MSRA: variants seen among roughly 807,000 people sequenced by gnomAD.
The protein encoded by MSRA is methionine sulfoxide reductase A, also known as mitochondrial peptide methionine sulfoxide reductase.
MSRA carries 54 observed loss-of-function variants against 31.3 expected under a neutral mutation model. That is an observed-to-expected ratio of 1.73 (90% CI 1.39 to 2.17). MSRA has a LOEUF of 2.17. Ranked by LOEUF, MSRA falls within the 30% of genes most tolerant of loss-of-function variation. MSRA has a pLI of 0.00. For synonymous variants in MSRA, 169 were observed against 116.5 expected, an observed-to-expected ratio of 1.45 and a Z score of -2.90; for missense variants, 507 against 300.9, an observed-to-expected ratio of 1.69 and a Z score of -5.07.
At chr8:10,319,110 C>T (rs1801894859) in intron 4 of MSRA, among the ~76,000 whole-genome samples, 1 of 152,146 alleles carries the variant, frequency 6.6e-6, no homozygotes, top group East Asian at 1.9e-4. Context: ...TTTCCCTTAA[C>T]ACCTCTAATT....
At chr8:10,069,524 T>C (rs1195975112) in intron 1 of MSRA, among the ~76,000 whole-genome samples, 1 of 152,252 alleles carries the variant, frequency 6.6e-6, no homozygotes, top group Non-Finnish European at 1.5e-5. Context: ...ACCGTCAACA[T>C]GTCAGCAAGT....
At chr8:10,222,919 T>A (rs1405365455) in intron 2 of MSRA, among the ~76,000 whole-genome samples, 1 of 152,212 alleles carries the variant, frequency 6.6e-6, no homozygotes, top group African/African-American at 2.4e-5. Flanking sequence ...TTAATAATAA[T>A]ACATTGTACA....
At chr8:10,215,893 G>T (rs139614667) in intron 2 of MSRA, among the ~76,000 whole-genome samples, 1 of 151,970 alleles carries the variant, frequency 6.6e-6, no homozygotes, top group African/African-American at 2.4e-5. Context: ...CAAATGTGGC[G>T]GACATTTCTT....
chr8:10,199,669 A>T (rs749725723), intron 1 of MSRA, among the ~76,000 whole-genome samples: 1 of 152,158 alleles, frequency 6.6e-6, no homozygotes, highest in Non-Finnish European at 1.5e-5. Flanking sequence ...TGCACTGAGC[A>T]GACTTCAGGA....
chr8:10,413,137 C>G (rs1022463759), intron 5 of MSRA, among the ~76,000 whole-genome samples: 4 of 152,202 alleles, frequency 2.6e-5, no homozygotes, highest in South Asian at 2.1e-4. Context: ...AGGCCCTGAT[C>G]TCGCCTGTGG....
chr8:10,115,318 C>G (rs1456365074), intron 1 of MSRA, among the ~76,000 whole-genome samples: 1 of 152,184 alleles, frequency 6.6e-6, no homozygotes, highest in Admixed American at 6.5e-5. Flanking sequence ...AGAGACCAGC[C>G]TCACAGCGAA....
chr8:10,245,035 TG>T (rs1248217812), intron 2 of MSRA, 68 bp from the exon 3 acceptor site: 2 of 1,499,888 alleles, frequency 1.3e-6, no homozygotes, highest in East Asian at 4.6e-5. Context: ...AACAGGTGTA[TG>T]TGGATGTGCA....
chr8:10,121,757 G>C (rs185617073), intron 1 of MSRA, among the ~76,000 whole-genome samples: 1 of 151,868 alleles, frequency 6.6e-6, no homozygotes, highest in Non-Finnish European at 1.5e-5. Context: ...TACGGCTTCA[G>C]ACTCCTAAGC....
intron 3 of MSRA, among the ~76,000 whole-genome samples, chr8:10,285,655 C>T (rs915874468): frequency 6.6e-6 from 1 of 151,772 alleles, no homozygotes; most frequent in Non-Finnish European, 1.5e-5. Context: ...CTTCCCCCCA[C>T]TCCTTCCCCG....
chr8:10,417,872 A>T (rs1808577663), intron 5 of MSRA, among the ~76,000 whole-genome samples: 1 of 151,706 alleles, frequency 6.6e-6, no homozygotes, highest in African/African-American at 2.4e-5. Context: ...TCCGTGCAGA[A>T]GGGGGAAGGT....
intron 1 of MSRA, among the ~76,000 whole-genome samples, chr8:10,133,037 G>A (rs2129026330): frequency 6.6e-6 from 1 of 152,322 alleles, no homozygotes; most frequent in South Asian, 2.1e-4. Context: ...TGCCTAGAGT[G>A]CCTTTTAAAG....
chr8:10,100,521 TC>T (rs1279385036), intron 1 of MSRA, among the ~76,000 whole-genome samples: 1 of 151,834 alleles, frequency 6.6e-6, no homozygotes, highest in African/African-American at 2.4e-5. Flanking sequence ...GACCATGGAG[TC>T]TAGGGGGCTA....
intron 3 of MSRA, among the ~76,000 whole-genome samples, chr8:10,296,846 G>T (rs369463845): frequency 4.6e-5 from 7 of 152,158 alleles, no homozygotes; most frequent in African/African-American, 1.7e-4. Context: ...AGAGCCAGGA[G>T]GCCAACCCTG....
At chr8:10,151,851 C>G (rs144641939) in intron 1 of MSRA, among the ~76,000 whole-genome samples, 5 of 152,298 alleles carry the variant, frequency 3.3e-5, no homozygotes, top group Admixed American at 3.3e-4. Flanking sequence ...TGTCTCCACC[C>G]TTTAGTAAAG....
chr8:10,165,427 T>G (rs1805040290), intron 1 of MSRA, among the ~76,000 whole-genome samples: 1 of 152,204 alleles, frequency 6.6e-6, no homozygotes, highest in South Asian at 2.1e-4. Context: ...AACAGAACTT[T>G]GGAACTGCAG....
At chr8:10,396,966 A>G (rs1014111384) in intron 5 of MSRA, among the ~76,000 whole-genome samples, 3 of 152,178 alleles carry the variant, frequency 2.0e-5, no homozygotes, top group Admixed American at 2.0e-4. Context: ...GAACATTCAG[A>G]GTGTCGCTGA....
intron 5 of MSRA, among the ~76,000 whole-genome samples, chr8:10,386,942 C>T (rs1806432999): frequency 6.6e-6 from 1 of 151,252 alleles, no homozygotes; most frequent in Non-Finnish European, 1.5e-5. Flanking sequence ...ATGGGATCGG[C>T]TGAACTGCAG....
chr8:10,293,699 T>A (rs1357817970), intron 3 of MSRA, among the ~76,000 whole-genome samples: 1 of 152,210 alleles, frequency 6.6e-6, no homozygotes, highest in Non-Finnish European at 1.5e-5. Context: ...GTTCCTTTCC[T>A]GTTTCCTTCC....
intron 1 of MSRA, among the ~76,000 whole-genome samples, chr8:10,061,430 T>A (rs1411834706): frequency 6.6e-6 from 1 of 152,144 alleles, no homozygotes; most frequent in Non-Finnish European, 1.5e-5. Context: ...ACCTAAGTGA[T>A]CTCCTTCTTC....
Sources: gnomAD v4.1 joint callset for allele counts (sites outside exome capture counted in the v4.1 genomes callset) on GRCh38, gnomAD v4.1.1 for gene constraint, MANE v1.5 for transcripts, NCBI Gene and HGNC (gene_info 2026-07-23, HGNC 2026-07-21) for gene names.